The following HEPH variants were observed in gnomAD, a reference collection of about 807,000 sequenced individuals.
The protein encoded by HEPH is hephaestin.
Under a neutral mutation model 80.8 loss-of-function variants are expected in HEPH, and 69 were observed. The observed-to-expected ratio is 0.85, with a 90% confidence interval of 0.70 to 1.04. HEPH has a LOEUF of 1.04. HEPH is among the 50% of genes least tolerant of loss of function. The pLI, the probability that HEPH is intolerant of heterozygous loss-of-function variation, is 0.00. For missense variants in HEPH, 1,115 were observed against 891.3 expected (o/e 1.25, Z -3.20); for synonymous variants, 431 against 322.8 (o/e 1.34, Z -3.60).
At chrX:66,190,015 C>G in intron 6 of HEPH, 77 bp downstream of exon 6, 2 of 1,026,343 alleles carry the variant, frequency 1.9e-6, no homozygotes, top group Non-Finnish European at 2.6e-6. Flanking sequence ...GGTTTCTGGC[C>G]TGAAGCCATA....
At chrX:66,223,780 C>T (rs1322810760) in intron 15 of HEPH, among the ~76,000 whole-genome samples, 2 of 111,481 alleles carry the variant, frequency 1.8e-5, no homozygotes, top group Non-Finnish European at 3.8e-5. Flanking sequence ...CTTATGCCTC[C>T]TTCTAATCTT....
chrX:66,245,680 C>A (rs527618131), intron 15 of HEPH, among the ~76,000 whole-genome samples: 2 of 111,696 alleles, frequency 1.8e-5, no homozygotes, highest in African/African-American at 6.5e-5. Flanking sequence ...AATATACATT[C>A]TTTTCAGCAC....
intron 15 of HEPH, among the ~76,000 whole-genome samples, chrX:66,219,982 TAC>T (rs1248877044): frequency 1.8e-5 from 2 of 111,873 alleles, no homozygotes; most frequent in Non-Finnish European, 3.8e-5. Flanking sequence ...AGTATTACTA[TAC>T]AGTTTTTGCC....
At chrX:66,260,828 G>A (rs748804389) in intron 19 of HEPH, among the ~76,000 whole-genome samples, 1 of 109,915 alleles carries the variant, frequency 9.1e-6, no homozygotes, top group African/African-American at 3.3e-5. Flanking sequence ...GTGCTGTGGT[G>A]CAATCATGGC....
chrX:66,242,167 A>C (rs1355508614), intron 15 of HEPH, among the ~76,000 whole-genome samples: 1 of 111,178 alleles, frequency 9.0e-6, no homozygotes, highest in African/African-American at 3.3e-5. Flanking sequence ...GTACAAAAGC[A>C]GACACATAGA....
intron 13 of HEPH, among the ~76,000 whole-genome samples, 191 bp from the exon 14 acceptor site, chrX:66,207,004 C>T (rs1026160313): frequency 1.6e-4 from 17 of 105,690 alleles, no homozygotes; most frequent in African/African-American, 3.1e-4. Flanking sequence ...GCAACAAGAG[C>T]GAAACTCCGT....
At chrX:66,214,446 A>G (rs764304074) in intron 15 of HEPH, among the ~76,000 whole-genome samples, 4 of 111,488 alleles carry the variant, frequency 3.6e-5, no homozygotes, top group Non-Finnish European at 7.5e-5. Flanking sequence ...CCGATTTGTC[A>G]TCTACTTGTT....
intron 4 of HEPH, among the ~76,000 whole-genome samples, chrX:66,175,786 G>C (rs1183735057): frequency 9.0e-6 from 1 of 111,013 alleles, no homozygotes; most frequent in Non-Finnish European, 1.9e-5. Flanking sequence ...TATTGTAAAA[G>C]GGGTTGAGTT....
chrX:66,184,555 G>T lies in HEPH; in HGVS notation c.626-3804G>T, dbSNP rs1407877857. On this transcript the variant is annotated intron_variant, in intron 4 of 20. Coordinates refer to ENST00000343002, the MANE Select transcript of HEPH (RefSeq NM_001367233.3). ...CCTTTTTTTGTTTTCTATTGGCTTG[G>T]TAGATCTTCCTCCATCCTTTTATTT... Among the ~76,000 whole-genome samples the T allele has an allele frequency of 9.6e-5, 4 of 41,641 alleles. No individual in the cohort carries two copies. The East Asian group carries it at 2.2e-3, about 23-fold the overall frequency. The allele number at this position is 41,641 out of a possible 115,157, so 36.2% of individuals were successfully genotyped here. A position where few individuals can be genotyped will look rare whatever the true frequency, so the allele number is the denominator to read the frequency against.
chrX:66,228,761 AC>A (rs1248624771), intron 15 of HEPH, among the ~76,000 whole-genome samples: 1 of 112,400 alleles, frequency 8.9e-6, no homozygotes. Flanking sequence ...ATGGCCAAAA[AC>A]ATATGGAAAA....
intron 16 of HEPH, 77 bp downstream of exon 16, chrX:66,255,218 A>T: frequency 3.5e-6 from 2 of 578,893 alleles, no homozygotes; most frequent in Non-Finnish European, 5.5e-6. Context: ...TGTAGTAAGA[A>T]GCTTACTCCT....
At chrX:66,222,085 G>C (rs909834434) in intron 15 of HEPH, among the ~76,000 whole-genome samples, 8 of 112,840 alleles carry the variant, frequency 7.1e-5, no homozygotes, top group Non-Finnish European at 1.3e-4. Context: ...ATCTGCTCAG[G>C]GATGAACAAG....
chrX:66,178,279 CT>C (rs899463946), intron 4 of HEPH, among the ~76,000 whole-genome samples: 1 of 112,197 alleles, frequency 8.9e-6, no homozygotes, highest in African/African-American at 3.2e-5. Flanking sequence ...TGAACTCATC[CT>C]TTTTTATGGC....
chrX:66,253,347 C>T (rs2091067184), intron 15 of HEPH, among the ~76,000 whole-genome samples: 1 of 112,105 alleles, frequency 8.9e-6, no homozygotes, highest in South Asian at 3.6e-4. Context: ...ATATTAAGCA[C>T]AAGAGAAGAT....
At chrX:66,193,938 C>T (rs1467375057) in intron 8 of HEPH, among the ~76,000 whole-genome samples, 1 of 111,819 alleles carries the variant, frequency 8.9e-6, no homozygotes, top group African/African-American at 3.3e-5. Context: ...CACTGATGTA[C>T]AGTACACATT....
chrX:66,229,218 A>G (rs1215212891), intron 15 of HEPH, among the ~76,000 whole-genome samples: 2 of 112,406 alleles, frequency 1.8e-5, no homozygotes, highest in Admixed American at 9.4e-5. Flanking sequence ...ACATAGATAT[A>G]GATATATAGA....
At position 66,172,400 on chromosome X, in the gene HEPH, A is replaced by G; in HGVS notation, c.213A>G (p.Gly71=). ...FLKSDKNRIG[G]TYKKTIYKEY... ...AGTCTGACAAGAACCGGATAGGGGG[A>G]ACCTACAAGAAGACCATCTATAAAG... is the stretch of plus-strand genomic sequence containing the variant. The change falls in exon 3 of 21, where the codon GGA becomes GGG. Residue 71 remains glycine, a synonymous_variant. Coordinates refer to ENST00000343002, the MANE Select transcript of HEPH (RefSeq NM_001367233.3). The G allele has an allele frequency of 8.4e-7, 1 of 1,196,700 alleles. No individual in the cohort carries two copies. Among genetic ancestry groups the G allele is most frequent in the Non-Finnish European group, 1.1e-6 (1 of 887,337 alleles).
chrX:66,227,247 G>A lies in HEPH; in HGVS notation c.2563+19001G>A, dbSNP rs776660315. ...AAATCTAGCATCCCTCAGTAAAATCGGCATAGAAGGCGCATACCTTAAGGT... is the reference window on the plus strand; with the variant it reads ...AAATCTAGCATCCCTCAGTAAAATCAGCATAGAAGGCGCATACCTTAAGGT... On this transcript the variant is annotated intron_variant, in intron 15 of 20. Coordinates refer to ENST00000343002, the MANE Select transcript of HEPH (RefSeq NM_001367233.3). Among the ~76,000 whole-genome samples, 444 of 111,263 alleles carry A rather than the reference G, an allele frequency of 4.0e-3. 2 individuals carry two copies. The highest frequency in any genetic ancestry group is 0.014 in the African/African-American group (421 of 30,642).
At chrX:66,255,219 G>T (rs1314940552) in intron 16 of HEPH, 78 bp downstream of exon 16, 3 of 568,661 alleles carry the variant, frequency 5.3e-6, no homozygotes, top group East Asian at 3.6e-5. Context: ...GTAGTAAGAA[G>T]CTTACTCCTG....
Sources: gnomAD v4.1 joint callset for allele counts (sites outside exome capture counted in the v4.1 genomes callset) on GRCh38, gnomAD v4.1.1 for gene constraint, MANE v1.5 for transcripts, NCBI Gene and HGNC (gene_info 2026-07-23, HGNC 2026-07-21) for gene names.